Variants in MLLT3 observed in about 807,000 individuals in gnomAD.
MLLT3 encodes protein AF-9.
Under a neutral mutation model 53.2 loss-of-function variants are expected in MLLT3, and 4 were observed. That is an observed-to-expected ratio of 0.08 (90% CI 0.04 to 0.17). MLLT3 has a LOEUF of 0.17. Ranked by LOEUF, MLLT3 falls within the 10% of genes least tolerant of loss-of-function variation. MLLT3 has a pLI of 1.00. For missense variants in MLLT3, 569 were observed against 684.0 expected (o/e 0.83, Z 1.87); for synonymous variants, 283 against 230.6 (o/e 1.23, Z -2.06).
chr9:20,401,390 T>A (rs1005723947), intron 5 of MLLT3, among the ~76,000 whole-genome samples: 4 of 152,190 alleles, frequency 2.6e-5, no homozygotes. Flanking sequence ...TACAGCTAAA[T>A]CAGTTAGGGA....
chr9:20,517,166 T>G (rs548776969), intron 2 of MLLT3, among the ~76,000 whole-genome samples: 99 of 152,308 alleles, frequency 6.5e-4, no homozygotes, highest in African/African-American at 2.3e-3. Flanking sequence ...ATAATGTCAT[T>G]GGAATTTTGG....
chr9:20,521,458 ATGTGTGTG>A (rs34711683), intron 2 of MLLT3, among the ~76,000 whole-genome samples: 9 of 148,534 alleles, frequency 6.1e-5, no homozygotes, highest in East Asian at 2.0e-4. Context: ...GTGTGTGTAT[ATGTGTGTG>A]TGTGTGTGTG....
intron 5 of MLLT3, among the ~76,000 whole-genome samples, chr9:20,398,235 G>C (rs963606834): frequency 6.6e-6 from 1 of 151,982 alleles, no homozygotes; most frequent in African/African-American, 2.4e-5. Context: ...GCTGGTGTGT[G>C]CCACCACACT....
chr9:20,547,870 C>T (rs1463952313), intron 2 of MLLT3, among the ~76,000 whole-genome samples: 1 of 152,134 alleles, frequency 6.6e-6, no homozygotes, highest in African/African-American at 2.4e-5. Context: ...GAGGATCCCT[C>T]AAGCCCAGGA....
chr9:20,388,171 A>T (rs1460494907), intron 5 of MLLT3, among the ~76,000 whole-genome samples: 2 of 150,270 alleles, frequency 1.3e-5, no homozygotes, highest in Non-Finnish European at 2.9e-5. Context: ...GAAAATATGT[A>T]CTTGTTTCTT....
At chr9:20,613,415 T>C (rs1820750327) in intron 2 of MLLT3, among the ~76,000 whole-genome samples, 1 of 152,212 alleles carries the variant, frequency 6.6e-6, no homozygotes, top group Non-Finnish European at 1.5e-5. Flanking sequence ...GAAGACAGAC[T>C]GAAGGGTTGG....
intron 4 of MLLT3, chr9:20,415,295 T>C (rs988736740): frequency 3.9e-5 from 7 of 180,998 alleles, no homozygotes; most frequent in Non-Finnish European, 7.4e-5. Context: ...GCAATTACTG[T>C]ATTTTGATCA....
intron 2 of MLLT3, among the ~76,000 whole-genome samples, chr9:20,591,738 G>T (rs1820135177): frequency 6.6e-6 from 1 of 152,206 alleles, no homozygotes; most frequent in South Asian, 2.1e-4. Context: ...TGTTTAAGCA[G>T]ATAAGTGAAT....
chr9:20,433,348 T>C (rs1331076073), intron 4 of MLLT3, among the ~76,000 whole-genome samples: 1 of 152,164 alleles, frequency 6.6e-6, no homozygotes, highest in African/African-American at 2.4e-5. Context: ...TAATAGGTTA[T>C]AACCCATTGA....
At chr9:20,520,164 C>A (rs1436593519) in intron 2 of MLLT3, among the ~76,000 whole-genome samples, 1 of 151,996 alleles carries the variant, frequency 6.6e-6, no homozygotes, top group East Asian at 1.9e-4. Context: ...CACATGGACA[C>A]ATAGAGGGGA....
chr9:20,429,623 G>A (rs986264742), intron 4 of MLLT3, among the ~76,000 whole-genome samples: 1 of 152,214 alleles, frequency 6.6e-6, no homozygotes. Context: ...GTACTTTGGC[G>A]TGACAAAAAT....
At chr9:20,347,667 T>C (rs1303896494) in intron 10 of MLLT3, among the ~76,000 whole-genome samples, 1 of 152,048 alleles carries the variant, frequency 6.6e-6, no homozygotes, top group Non-Finnish European at 1.5e-5. Context: ...GGGCACAGCG[T>C]TTTTTGGGGG....
At chr9:20,350,395 A>G (rs1587139897) in intron 10 of MLLT3, among the ~76,000 whole-genome samples, 2 of 152,078 alleles carry the variant, frequency 1.3e-5, no homozygotes, top group Admixed American at 1.3e-4. Context: ...GGAGATCAAG[A>G]CCAACCCGGC....
intron 9 of MLLT3, 122 bp downstream of exon 9, chr9:20,354,675 TCATCATTTGGG>T: frequency 3.1e-6 from 2 of 645,046 alleles, no homozygotes; most frequent in Admixed American, 5.1e-5. Context: ...GATGAAATAC[TCATCATTTGGG>T]CATCTTGGAC....
intron 2 of MLLT3, among the ~76,000 whole-genome samples, chr9:20,484,494 T>C (rs1824755920): frequency 6.6e-6 from 1 of 152,186 alleles, no homozygotes; most frequent in African/African-American, 2.4e-5. Context: ...GAAATATTTA[T>C]ATACTTTTGG....
Position 20,622,294 on chromosome 9 carries a change from T to A in MLLT3, c.-38A>T. On this transcript the variant is annotated 5_prime_UTR_variant, in exon 1 of 11. Transcript: ENST00000380338. ...GGAGGTTTGCTGGGGTGTTGTGTGG[T>A]ACCCCCCCCTCCTCCGCCCCCCCTC... 2.6e-6 allele frequency: 4 copies of A among 1,534,946 alleles called. No homozygotes were observed. The highest frequency in any genetic ancestry group is 3.5e-6 in the Non-Finnish European group (4 of 1,136,562).
chr9:20,498,542 C>A (rs1316016145), intron 2 of MLLT3, among the ~76,000 whole-genome samples: 1 of 152,186 alleles, frequency 6.6e-6, no homozygotes, highest in Non-Finnish European at 1.5e-5. Context: ...TCCAACCCGC[C>A]GACCACAGGC....
chr9:20,549,489 A>G (rs1473269347), intron 2 of MLLT3, among the ~76,000 whole-genome samples: 1 of 152,150 alleles, frequency 6.6e-6, no homozygotes, highest in Non-Finnish European at 1.5e-5. Flanking sequence ...TGTCCTAAGC[A>G]TTTTACGTAG....
At chr9:20,394,629 G>A (rs1446697201) in intron 5 of MLLT3, among the ~76,000 whole-genome samples, 1 of 152,102 alleles carries the variant, frequency 6.6e-6, no homozygotes, top group Non-Finnish European at 1.5e-5. Flanking sequence ...TATGGAACTA[G>A]TTGTAACTTC....
Sources: gnomAD v4.1 joint callset for allele counts (sites outside exome capture counted in the v4.1 genomes callset) on GRCh38, gnomAD v4.1.1 for gene constraint, MANE v1.5 for transcripts, NCBI Gene and HGNC (gene_info 2026-07-23, HGNC 2026-07-21) for gene names.